Variants in PIKFYVE observed in about 807,000 individuals in gnomAD.
PIKFYVE encodes the protein 1-phosphatidylinositol 3-phosphate 5-kinase.
Under a neutral mutation model 257.9 loss-of-function variants are expected in PIKFYVE, and 122 were observed. The ratio of observed to expected loss-of-function variants is 0.47; its 90% CI spans 0.41 to 0.55. The LOEUF is 0.55. Among genes scored for constraint, PIKFYVE ranks in the 20% least tolerant of loss-of-function variants. PIKFYVE has a pLI of 0.00. For missense variants in PIKFYVE, 2,160 were observed against 2,536.6 expected (o/e 0.85, Z 3.19); for synonymous variants, 892 against 868.9 (o/e 1.03, Z -0.47).
In PIKFYVE at chr2:208,271,692, G is replaced by A. The variant is rs1689438604; in HGVS notation, c.172+1G>A. On this transcript the variant is annotated splice_donor_variant, in intron 2 of 41. Coordinates refer to ENST00000264380, the MANE Select transcript of PIKFYVE (RefSeq NM_015040.4). LOFTEE classifies it high-confidence loss of function. ...GTAAATCTCTTTCGTTTTAACAAAG[G>A]TAAGACTTATTAAAGATAAGAGGTT... 1 of 1,610,802 alleles carries A rather than the reference G, an allele frequency of 6.2e-7. No individual in the cohort carries two copies. Among genetic ancestry groups the A allele is most frequent in the Non-Finnish European group, 8.5e-7 (1 of 1,177,064 alleles).
intron 7 of PIKFYVE, among the ~76,000 whole-genome samples, chr2:208,294,448 C>T (rs1206561522): frequency 1.3e-5 from 2 of 152,096 alleles, no homozygotes; most frequent in Admixed American, 6.5e-5. Context: ...TGTTTTTTGG[C>T]TTTCATTATG....
intron 29 of PIKFYVE, 66 bp from the exon 30 acceptor site, chr2:208,339,352 A>T: frequency 6.3e-7 from 1 of 1,581,326 alleles, no homozygotes; most frequent in Non-Finnish European, 8.7e-7. Flanking sequence ...GAGCATTTAA[A>T]AAATATTAGG....
chr2:208,351,880 G>A (rs899390685), intron 38 of PIKFYVE, among the ~76,000 whole-genome samples: 6 of 152,048 alleles, frequency 3.9e-5, no homozygotes, highest in African/African-American at 9.7e-5. Context: ...TCACCAGGCC[G>A]CACCTCCAAC....
intron 2 of PIKFYVE, among the ~76,000 whole-genome samples, 168 bp downstream of exon 2, chr2:208,271,859 C>T (rs1028566191): frequency 6.6e-6 from 1 of 152,142 alleles, no homozygotes; most frequent in Non-Finnish European, 1.5e-5. Flanking sequence ...AATCGTAGGT[C>T]TCCAGGGTTT....
At position 208,328,240 on chromosome 2, in the gene PIKFYVE, G is replaced by A. The variant is rs1697153356; in HGVS notation, c.3679G>A (p.Ala1227Thr). 1 of 1,613,842 alleles carries A rather than the reference G, an allele frequency of 6.2e-7. No individual in the cohort carries two copies. The highest frequency in any genetic ancestry group is 8.5e-7 in the Non-Finnish European group (1 of 1,179,870). Residue 1227 changes from alanine (A) to threonine (T), a missense_variant, in exon 21 of 42, where the codon GCC becomes ACC. By Grantham distance (58) the Ala-to-Thr change is moderately conservative. Transcript: ENST00000264380. ...TTGTGTGCTCTTCAGCAGCTCTTCT[G>A]CCCAGTCCAGCAATGCTCCTAGTGC... ...RLCVLFSSSS[A>T]QSSNAPSACV... is the part of the protein sequence containing the mutation.
chr2:208,274,001 A>G (rs1689767981), intron 3 of PIKFYVE: 1 of 1,610,100 alleles, frequency 6.2e-7, no homozygotes, highest in African/African-American at 1.3e-5. Context: ...TTGATTAATT[A>G]CTTGCTTGGG....
At chr2:208,288,981 T>G (rs1460829957) in intron 7 of PIKFYVE, among the ~76,000 whole-genome samples, 163 bp downstream of exon 7, 1 of 152,240 alleles carries the variant, frequency 6.6e-6, no homozygotes, top group Non-Finnish European at 1.5e-5. Context: ...AGCCCTTGTT[T>G]CCATTCTCTC....
intron 23 of PIKFYVE, 138 bp downstream of exon 23, chr2:208,330,832 C>T (rs933735529): frequency 1.2e-6 from 1 of 846,818 alleles, no homozygotes; most frequent in Non-Finnish European, 1.8e-6. Flanking sequence ...TGTTATTTTA[C>T]CTTCCAGTGC....
intron 5 of PIKFYVE, among the ~76,000 whole-genome samples, chr2:208,284,727 G>A (rs1691315960): frequency 6.6e-6 from 1 of 151,962 alleles, no homozygotes; most frequent in South Asian, 2.1e-4. Context: ...ATTTGCCTAT[G>A]GAAAATATGT....
intron 33 of PIKFYVE, 90 bp downstream of exon 33, chr2:208,345,284 A>C: frequency 1.8e-6 from 2 of 1,118,762 alleles, no homozygotes; most frequent in South Asian, 2.7e-5. Context: ...AGCATTTATC[A>C]TCATAAAAAT....
At chr2:208,337,757 T>C (rs989005441) in intron 28 of PIKFYVE, among the ~76,000 whole-genome samples, 1 of 152,138 alleles carries the variant, frequency 6.6e-6, no homozygotes, top group Non-Finnish European at 1.5e-5. Context: ...AGTCTCACTC[T>C]GTCGTGCATG....
intron 18 of PIKFYVE, 114 bp downstream of exon 18, chr2:208,324,396 A>C (rs2125573157): frequency 8.9e-7 from 1 of 1,117,354 alleles, no homozygotes; most frequent in East Asian, 2.5e-5. Context: ...ATTTGTATTG[A>C]AAGTGGGACA....
chr2:208,328,807 G>A (rs531282611), intron 21 of PIKFYVE, among the ~76,000 whole-genome samples: 1 of 152,076 alleles, frequency 6.6e-6, no homozygotes, highest in African/African-American at 2.4e-5. Context: ...CCCTCTTGTG[G>A]TACCATATCA....
intron 31 of PIKFYVE, 26 bp from the exon 32 acceptor site, chr2:208,342,528 C>T (rs1698806904): frequency 6.5e-7 from 1 of 1,548,364 alleles, no homozygotes; most frequent in African/African-American, 1.4e-5. Flanking sequence ...ACTTAGTTAA[C>T]TTATGTATTT....
intron 21 of PIKFYVE, among the ~76,000 whole-genome samples, chr2:208,328,566 G>C (rs188657658): frequency 1.3e-5 from 2 of 152,314 alleles, no homozygotes; most frequent in East Asian, 1.9e-4. Context: ...CTTGGGACCA[G>C]AAGTGTTTTG....
chr2:208,298,516 A>G (rs1367886979), intron 7 of PIKFYVE, 125 bp from the exon 8 acceptor site: 12 of 1,181,990 alleles, frequency 1.0e-5, no homozygotes, highest in Middle Eastern at 2.6e-4. Flanking sequence ...AACCATCATA[A>G]GTACTTTTAA....
intron 24 of PIKFYVE, 58 bp from the exon 25 acceptor site, chr2:208,335,248 C>G: frequency 9.0e-7 from 1 of 1,107,244 alleles, no homozygotes; most frequent in Admixed American, 1.7e-5. Flanking sequence ...TGATACAGCT[C>G]TATTCAAGAT....
chr2:208,338,534 G>A lies in PIKFYVE; in HGVS notation c.4638G>A (p.Arg1546=). The part of the protein sequence containing the change: ...SKISAMDASP[R]NISPGLQNGE... ...TAAGTGCGATGGATGCATCTCCACG[G>A]AATATTTCTCCAGGACTTCAGAATG... The change falls in exon 29 of 42, where the codon CGG becomes CGA. Residue 1546 remains arginine (R), a synonymous_variant. Transcript: ENST00000264380. 1 of 1,613,442 alleles carries A rather than the reference G, an allele frequency of 6.2e-7. No homozygotes were observed. Among genetic ancestry groups the A allele is most frequent in the Non-Finnish European group, 8.5e-7 (1 of 1,179,514 alleles).
chr2:208,347,846 T>A lies in PIKFYVE; in HGVS notation c.5210-13T>A, dbSNP rs1466659430. On this transcript the variant is annotated splice_polypyrimidine_tract_variant and intron_variant, in intron 34 of 41. Transcript: ENST00000264380. ...CCTGTACTTAAAATTAATATGTTAC[T>A]TCTTATTTTTAGCCAAAAAGGCTTC... 3 of 1,604,126 alleles carry A rather than the reference T, an allele frequency of 1.9e-6. No individual in the cohort carries two copies. The highest frequency in any genetic ancestry group is 2.6e-6 in the Non-Finnish European group (3 of 1,173,900).
Sources: gnomAD v4.1 joint callset for allele counts (sites outside exome capture counted in the v4.1 genomes callset) on GRCh38, gnomAD v4.1.1 for gene constraint, MANE v1.5 for transcripts, NCBI Gene and HGNC (gene_info 2026-07-23, HGNC 2026-07-21) for gene names.